Variants in LRMDA observed in about 807,000 individuals in gnomAD.
The protein encoded by LRMDA is leucine-rich melanocyte differentiation-associated protein.
Under a neutral mutation model 29.8 loss-of-function variants are expected in LRMDA, and 18 were observed. That is an observed-to-expected ratio of 0.60 (90% CI 0.42 to 0.90). LRMDA has a LOEUF of 0.90. LRMDA is among the 40% of genes least tolerant of loss of function. The pLI is 0.00. For synonymous variants in LRMDA, 125 were observed against 109.4 expected, an observed-to-expected ratio of 1.14 and a Z score of -0.89; for missense variants, 273 against 273.9, an observed-to-expected ratio of 1.00 and a Z score of 0.02.
chr10:75,578,151 G>A (rs1275011411), intron 2 of LRMDA, among the ~76,000 whole-genome samples: 1 of 133,032 alleles, frequency 7.5e-6, no homozygotes, highest in Non-Finnish European at 1.6e-5. Context: ...CCCATCTCAT[G>A]TGCAAAGACA....
At chr10:76,101,600 G>T (rs1216387955) in intron 5 of LRMDA, among the ~76,000 whole-genome samples, 1 of 152,106 alleles carries the variant, frequency 6.6e-6, no homozygotes, top group Non-Finnish European at 1.5e-5. Flanking sequence ...GCCAGGCGTG[G>T]TGCCACACAC....
intron 2 of LRMDA, chr10:75,743,664 A>C (rs1439545204): frequency 6.6e-6 from 1 of 152,218 alleles, no homozygotes; most frequent in East Asian, 1.9e-4. Flanking sequence ...CTTAATTAAA[A>C]TATTGTAATG....
At chr10:76,366,586 T>A (rs1841394268) in intron 6 of LRMDA, among the ~76,000 whole-genome samples, 1 of 152,230 alleles carries the variant, frequency 6.6e-6, no homozygotes, top group Non-Finnish European at 1.5e-5. Flanking sequence ...AGCTATTGAT[T>A]TATGTACATT....
At chr10:76,130,540 G>A (rs73285237) in intron 5 of LRMDA, among the ~76,000 whole-genome samples, 4,532 of 152,250 alleles carry the variant, frequency 0.03, 232 homozygotes, top group African/African-American at 0.1. Context: ...TGTGAAACTA[G>A]ACCAGACTGT....
chr10:76,175,980 C>T (rs142100910), intron 5 of LRMDA, among the ~76,000 whole-genome samples: 1 of 152,292 alleles, frequency 6.6e-6, no homozygotes, highest in South Asian at 2.1e-4. Context: ...GTACACTGTG[C>T]AGATTTCTAC....
intron 2 of LRMDA, among the ~76,000 whole-genome samples, chr10:75,844,356 A>G (rs1447704827): frequency 6.6e-6 from 1 of 152,156 alleles, no homozygotes; most frequent in Non-Finnish European, 1.5e-5. Context: ...TGTGCTACCT[A>G]CAACTTAAGC....
At position 75,941,460 on chromosome 10, in the gene LRMDA, G is replaced by A. The variant is rs768088967; in HGVS notation, c.132-94548G>A. On this transcript the variant is annotated intron_variant, in intron 2 of 6. Coordinates refer to ENST00000611255, the MANE Select transcript of LRMDA (RefSeq NM_001305581.2). ...AAGCTTTTATCACCACTTTGCTTTC[G>A]GAGGCTTCTTAGCTGTTGGTGTTGG... is the stretch of plus-strand genomic sequence containing the variant. Among the ~76,000 whole-genome samples, 14 of 152,220 alleles carry A rather than the reference G, an allele frequency of 9.2e-5. No individual in the cohort carries two copies. In the East Asian group the frequency reaches 2.5e-3, roughly 27 times the overall value.
At chr10:75,861,660 G>A (rs930743305) in intron 2 of LRMDA, among the ~76,000 whole-genome samples, 1 of 152,104 alleles carries the variant, frequency 6.6e-6, no homozygotes, top group Non-Finnish European at 1.5e-5. Context: ...TAGTTTCTTG[G>A]GATTTACTAT....
chr10:75,533,363 G>T (rs1355013290), intron 2 of LRMDA, among the ~76,000 whole-genome samples: 1 of 152,210 alleles, frequency 6.6e-6, no homozygotes, highest in Non-Finnish European at 1.5e-5. Context: ...AATTAGGGGT[G>T]GGGTAACCCA....
chr10:75,998,109 A>G (rs1224468176), intron 2 of LRMDA, among the ~76,000 whole-genome samples: 4 of 152,212 alleles, frequency 2.6e-5, no homozygotes, highest in Admixed American at 6.5e-5. Flanking sequence ...GTGGTGAAGT[A>G]TGAAGAAGAC....
intron 2 of LRMDA, among the ~76,000 whole-genome samples, chr10:75,972,544 TTC>T (rs1020367003): frequency 9.9e-5 from 15 of 152,152 alleles, no homozygotes; most frequent in African/African-American, 7.2e-5. Context: ...TCTGAGAATT[TTC>T]TCTTTTTTTT....
chr10:76,436,848 C>T (rs567523117), intron 6 of LRMDA, among the ~76,000 whole-genome samples: 1 of 152,148 alleles, frequency 6.6e-6, no homozygotes, highest in Non-Finnish European at 1.5e-5. Flanking sequence ...TCTGGCCAAG[C>T]CTTCAATTGG....
At chr10:76,237,998 C>T (rs932838530) in intron 5 of LRMDA, among the ~76,000 whole-genome samples, 4 of 151,970 alleles carry the variant, frequency 2.6e-5, no homozygotes, top group Admixed American at 2.6e-4. Flanking sequence ...GCCATATTGG[C>T]CAGGCTGGTC....
chr10:75,956,763 A>G (rs1846670992), intron 2 of LRMDA, among the ~76,000 whole-genome samples: 1 of 152,248 alleles, frequency 6.6e-6, no homozygotes, highest in African/African-American at 2.4e-5. Flanking sequence ...AGCATGAAGC[A>G]CAGCCAGCTT....
intron 5 of LRMDA, among the ~76,000 whole-genome samples, chr10:76,282,910 A>G (rs991432846): frequency 2.6e-5 from 4 of 152,064 alleles, no homozygotes; most frequent in Admixed American, 1.3e-4. Context: ...GTTCAATTTC[A>G]TGTCCAAACA....
chr10:76,484,384 G>A (rs768278254), intron 6 of LRMDA, among the ~76,000 whole-genome samples: 6 of 151,852 alleles, frequency 4.0e-5, no homozygotes, highest in Non-Finnish European at 7.4e-5. Flanking sequence ...TGAAACAATA[G>A]AGCAGTTCAG....
At chr10:76,316,840 A>T (rs1840706199) in intron 5 of LRMDA, among the ~76,000 whole-genome samples, 1 of 152,218 alleles carries the variant, frequency 6.6e-6, no homozygotes, top group Admixed American at 6.5e-5. Context: ...CTTTGGATAA[A>T]GATAATTATT....
At chr10:75,702,161 T>C (rs1327914773) in intron 2 of LRMDA, among the ~76,000 whole-genome samples, 1 of 152,196 alleles carries the variant, frequency 6.6e-6, no homozygotes, top group African/African-American at 2.4e-5. Context: ...TGGCTTTCCT[T>C]GCGATGTGCT....
intron 2 of LRMDA, among the ~76,000 whole-genome samples, chr10:75,561,850 T>A (rs1010371893): frequency 6.6e-6 from 1 of 152,064 alleles, no homozygotes; most frequent in Non-Finnish European, 1.5e-5. Flanking sequence ...TTTGAGTGAG[T>A]TTCTTAATCC....
Sources: allele counts gnomAD v4.1 joint callset (sites outside exome capture counted in the v4.1 genomes callset), GRCh38; gene constraint gnomAD v4.1.1; transcripts MANE v1.5; gene names NCBI Gene and HGNC (gene_info 2026-07-23, HGNC 2026-07-21).